AKAP10: variants seen among roughly 807,000 people sequenced by gnomAD.
AKAP10 encodes the protein A-kinase anchor protein 10, mitochondrial.
A neutral mutation model predicts 80.8 loss-of-function variants in AKAP10; 24 were observed. That is an observed-to-expected ratio of 0.30 (90% CI 0.22 to 0.42). AKAP10 has a LOEUF of 0.42. Among genes scored for constraint, AKAP10 ranks in the 10% least tolerant of loss-of-function variants. AKAP10 has a pLI of 1.00. For missense variants in AKAP10, 661 were observed against 794.9 expected, an observed-to-expected ratio of 0.83 and a Z score of 2.03; for synonymous variants, 291 against 277.7, an observed-to-expected ratio of 1.05 and a Z score of -0.48.
intron 7 of AKAP10, among the ~76,000 whole-genome samples, chr17:19,940,376 C>T (rs1452676863): frequency 6.6e-6 from 1 of 152,170 alleles, no homozygotes; most frequent in Non-Finnish European, 1.5e-5. Flanking sequence ...TAGTCATTTG[C>T]TTTCCAACAA....
Position 19,946,251 on chromosome 17 carries a change from ATATATATATATATATATATATATATTTTT to A in AKAP10, c.976+1127_976+1155del, listed in dbSNP as rs1567765695. On this transcript the variant is annotated intron_variant, in intron 5 of 14. Coordinates refer to ENST00000225737, the MANE Select transcript of AKAP10 (RefSeq NM_007202.4). ...ATATATATATATTATATATATATAT[ATATATATATATATATATATATATATTTTT>A]TTTTTTTTTTTTTTTTTTTGGCAGG... Among the ~76,000 whole-genome samples, 155 of 19,356 alleles carry A rather than the reference ATATATATATATATATATATATATATTTTT, an allele frequency of 8.0e-3. 9 individuals are homozygous for A. The highest frequency in any genetic ancestry group is 0.033 in the African/African-American group (149 of 4,560). 12.7% of individuals were successfully genotyped at this position (19,356 alleles called of 152,430 possible).
intron 1 of AKAP10, among the ~76,000 whole-genome samples, chr17:19,971,278 T>C (rs1222054148): frequency 3.3e-5 from 5 of 151,708 alleles, no homozygotes; most frequent in Non-Finnish European, 7.4e-5. Context: ...GGAGGCCAAG[T>C]TGGGTGGAAC....
chr17:19,954,822 G>A (rs2043255707), intron 4 of AKAP10, among the ~76,000 whole-genome samples: 1 of 151,876 alleles, frequency 6.6e-6, no homozygotes. Flanking sequence ...GGAAACATAT[G>A]AGAAAATCTT....
chr17:19,963,591 G>A (rs924969943), intron 2 of AKAP10, among the ~76,000 whole-genome samples: 25 of 151,904 alleles, frequency 1.6e-4, no homozygotes, highest in African/African-American at 6.0e-4. Flanking sequence ...GGGGTGGGGG[G>A]AACCTAGAAA....
intron 8 of AKAP10, among the ~76,000 whole-genome samples, chr17:19,938,398 G>A (rs1378515183): frequency 6.6e-6 from 1 of 151,072 alleles, no homozygotes; most frequent in Non-Finnish European, 1.5e-5. Context: ...CATCATGCCT[G>A]GCTAATTCTT....
rs976367947 is a variant in AKAP10, at chr17:19,947,980, C to T, written c.878-475G>A. 1.1e-4 allele frequency among the ~76,000 whole-genome samples: 15 copies of T among 139,562 alleles called. No individual in the cohort carries two copies. In the East Asian group the frequency reaches 1.2e-3, roughly 11 times the overall value. The allele number at this position is 139,562 out of a possible 152,430, so 91.6% of individuals were successfully genotyped here. ...TGCCTCAAAGGACAGAGTGAGACTC[C>T]GTCTCAAAAAAAAAAAAAAAGTCAA... On this transcript the variant is annotated intron_variant, in intron 4 of 14. Transcript: ENST00000225737.
intron 1 of AKAP10, among the ~76,000 whole-genome samples, chr17:19,969,538 G>GA (rs1567778548): frequency 7.0e-6 from 1 of 143,210 alleles, no homozygotes. Flanking sequence ...CTCTTTTCTT[G>GA]TTTTTTTTTT....
intron 12 of AKAP10, among the ~76,000 whole-genome samples, chr17:19,918,974 C>T (rs1159778834): frequency 2.6e-5 from 4 of 152,066 alleles, no homozygotes; most frequent in Non-Finnish European, 5.9e-5. Flanking sequence ...ATGTGCACAA[C>T]GTGCAGCTTT....
intron 1 of AKAP10, among the ~76,000 whole-genome samples, chr17:19,968,831 T>C (rs1350959479): frequency 3.3e-5 from 5 of 152,180 alleles, no homozygotes; most frequent in South Asian, 2.1e-4. Context: ...TAGAGGATTA[T>C]TGATGAAAAA....
chr17:19,925,415 C>T (rs203481), intron 10 of AKAP10, among the ~76,000 whole-genome samples: 64,243 of 151,842 alleles, frequency 0.42, 14,323 homozygotes, highest in African/African-American at 0.57. Context: ...AATGACTAGC[C>T]AGCTGAGTAC....
Position 19,971,366 on chromosome 17 carries a change from G to A in AKAP10, c.89-2905C>T, listed in dbSNP as rs534961130. Among the ~76,000 whole-genome samples, 24 of 151,928 alleles carry A rather than the reference G, an allele frequency of 1.6e-4. No individual in the cohort carries two copies. The East Asian group carries it at 4.5e-3, about 29-fold the overall frequency. ...GCCACTAAAAATAGGAAAATGAGCT[G>A]GGCATGGTGGTGCATGCCTGTAATC... On this transcript the variant is annotated intron_variant, in intron 1 of 14. Transcript: ENST00000225737.
At chr17:19,912,441 G>A (rs1040200920) in intron 12 of AKAP10, among the ~76,000 whole-genome samples, 3 of 152,202 alleles carry the variant, frequency 2.0e-5, no homozygotes, top group African/African-American at 7.2e-5. Flanking sequence ...GGAGGCTGAG[G>A]CAGAAGAATT....
At chr17:19,925,584 AT>A (rs1259924738) in intron 10 of AKAP10, among the ~76,000 whole-genome samples, 9 of 152,234 alleles carry the variant, frequency 5.9e-5, no homozygotes, top group Non-Finnish European at 2.9e-5. Flanking sequence ...AATGACTTAT[AT>A]ACAAGATTAT....
At chr17:19,932,872 A>C (rs979344725) in intron 9 of AKAP10, among the ~76,000 whole-genome samples, 1 of 152,080 alleles carries the variant, frequency 6.6e-6, no homozygotes, top group Non-Finnish European at 1.5e-5. Context: ...ATTATTAATT[A>C]TACTGAATGA....
intron 1 of AKAP10, among the ~76,000 whole-genome samples, chr17:19,972,824 C>G (rs2043516042): frequency 6.6e-6 from 1 of 152,168 alleles, no homozygotes; most frequent in Admixed American, 6.5e-5. Flanking sequence ...TTATTTTAAG[C>G]AATATCCCTT....
At chr17:19,936,260 T>C in intron 9 of AKAP10, 26 bp downstream of exon 9, 1 of 1,594,474 alleles carries the variant, frequency 6.3e-7, no homozygotes. Flanking sequence ...TTCTTGTAGT[T>C]TGATACGTTT....
intron 14 of AKAP10, among the ~76,000 whole-genome samples, chr17:19,907,012 CTGTTTTTTTT>C (rs1481121648): frequency 3.4e-3 from 467 of 136,022 alleles, no homozygotes; most frequent in African/African-American, 0.013. Flanking sequence ...TTCGAGTCTA[CTGTTTTTTTT>C]TGTTTTTTTT....
chr17:19,946,275 ATTTTTTTTTTT>A (rs71157846), intron 5 of AKAP10, among the ~76,000 whole-genome samples: 9 of 12,938 alleles, frequency 7.0e-4, no homozygotes, highest in Admixed American at 3.6e-3. Flanking sequence ...ATATATATAT[ATTTTTTTTTTT>A]TTTTTTTTTT....
intron 2 of AKAP10, among the ~76,000 whole-genome samples, chr17:19,964,333 T>C (rs2043389492): frequency 6.6e-6 from 1 of 152,196 alleles, no homozygotes; most frequent in Non-Finnish European, 1.5e-5. Flanking sequence ...TTCCTGATAG[T>C]CTATCTTTCT....
Sources: gnomAD v4.1 joint callset for allele counts (sites outside exome capture counted in the v4.1 genomes callset) on GRCh38, gnomAD v4.1.1 for gene constraint, MANE v1.5 for transcripts, NCBI Gene and HGNC (gene_info 2026-07-23, HGNC 2026-07-21) for gene names.